MALRD1: variants seen among roughly 807,000 people sequenced by gnomAD.
MALRD1 encodes the protein MAM and LDL receptor class A domain containing 1.
Under a neutral mutation model 242.1 loss-of-function variants are expected in MALRD1, and 247 were observed. The observed-to-expected ratio is 1.02, with a 90% CI of 0.92 to 1.13. The LOEUF is 1.13. Among genes scored for constraint, MALRD1 ranks in the 50% most tolerant of loss-of-function variants. MALRD1 has a pLI of 0.00. For synonymous variants in MALRD1, 995 were observed against 866.6 expected (o/e 1.15, Z -2.60); for missense variants, 2,989 against 2,533.1 (o/e 1.18, Z -3.86).
rs566560909 is a variant in MALRD1 at position 19,555,109 on chromosome 10, AT to A, written c.5479-12391del. On this transcript the variant is annotated intron_variant, in intron 32 of 39. Transcript: ENST00000454679. ...TCTGACTGGCATGAGATGATATCTC[AT>A]TGTGTTTTTGATTTGAATTTCTTTA... is the stretch of plus-strand genomic sequence containing the variant. 2.1e-3 allele frequency among the ~76,000 whole-genome samples: 314 copies of A among 152,212 alleles called. 2 individuals are homozygous for A. Among genetic ancestry groups the A allele is most frequent in the African/African-American group, 6.2e-3 (258 of 41,532 alleles).
At chr10:19,159,358 G>A (rs139285148) in intron 12 of MALRD1, among the ~76,000 whole-genome samples, 91 of 151,552 alleles carry the variant, frequency 6.0e-4, no homozygotes, top group African/African-American at 2.1e-3. Context: ...TATTTATTTT[G>A]TTTTTTTGGC....
chr10:19,187,720 A>T (rs537386306), intron 14 of MALRD1, among the ~76,000 whole-genome samples: 2 of 152,274 alleles, frequency 1.3e-5, no homozygotes, highest in East Asian at 3.9e-4. Flanking sequence ...AACGGAAACC[A>T]AATACCACAT....
intron 5 of MALRD1, among the ~76,000 whole-genome samples, chr10:19,104,283 T>G (rs1358460262): frequency 6.6e-6 from 1 of 152,168 alleles, no homozygotes; most frequent in Non-Finnish European, 1.5e-5. Flanking sequence ...TGTAAAGAAC[T>G]GAATGGGATA....
intron 36 of MALRD1, among the ~76,000 whole-genome samples, chr10:19,622,022 T>A (rs1839426254): frequency 6.6e-6 from 1 of 151,972 alleles, no homozygotes; most frequent in African/African-American, 2.4e-5. Context: ...TTTTTAAGTA[T>A]GGTAAAGTCT....
At position 19,595,421 on chromosome 10, in the gene MALRD1, C is replaced by T; in HGVS notation, c.5908C>T (p.Pro1970Ser). The change falls in exon 34 of 40, where the codon CCC (proline) becomes TCC (serine). Residue 1970 changes from proline to serine, a missense_variant. Physicochemically the swap from Pro to Ser is moderately conservative, Grantham distance 74. Transcript: ENST00000454679. ...TTCCCTCCTGCTATGCGATGGAGTG[C>T]CCGACTGCCACTTTAATGAAGATGA... ...IPSLLLCDGVPDCHFNEDELI... is the reference protein window; with the variant it reads ...IPSLLLCDGVSDCHFNEDELI... The T allele has an allele frequency of 1.9e-6, 3 of 1,550,194 alleles. No homozygotes were observed. The highest frequency in any genetic ancestry group is 2.6e-6 in the Non-Finnish European group (3 of 1,146,758).
At chr10:19,250,786 T>G (rs1184874261) in intron 18 of MALRD1, among the ~76,000 whole-genome samples, 1 of 151,850 alleles carries the variant, frequency 6.6e-6, no homozygotes, top group African/African-American at 2.4e-5. Context: ...GATTCCAAAG[T>G]AAAGATCAGC....
intron 18 of MALRD1, among the ~76,000 whole-genome samples, chr10:19,216,991 G>A (rs964142123): frequency 2.0e-4 from 31 of 151,732 alleles, no homozygotes; most frequent in Non-Finnish European, 3.8e-4. Flanking sequence ...AAAATGATGT[G>A]GAGAGGCCAA....
intron 33 of MALRD1, among the ~76,000 whole-genome samples, chr10:19,573,962 A>G (rs1292712423): frequency 6.6e-6 from 1 of 152,170 alleles, no homozygotes; most frequent in Non-Finnish European, 1.5e-5. Flanking sequence ...ACCTTCGGAG[A>G]GTGAATGCAT....
At chr10:19,347,687 C>T (rs1315561670) in intron 24 of MALRD1, 84 bp from the exon 25 acceptor site, 2 of 1,423,422 alleles carry the variant, frequency 1.4e-6, no homozygotes, top group East Asian at 2.5e-5. Context: ...CATGATACAG[C>T]AAGATCACTG....
At chr10:19,290,673 C>T (rs1391134730) in intron 21 of MALRD1, among the ~76,000 whole-genome samples, 1 of 151,858 alleles carries the variant, frequency 6.6e-6, no homozygotes, top group African/African-American at 2.4e-5. Context: ...GAGTTTGTAC[C>T]CATTCATGCT....
rs1375926703 is a variant in MALRD1, at chr10:19,339,399, ATTT to A, written c.3901+7819_3901+7821del. Among the ~76,000 whole-genome samples the A allele has an allele frequency of 2.6e-5, 4 of 152,236 alleles. No homozygotes were observed. The East Asian group carries it at 7.7e-4, about 29-fold the overall frequency. Reference sequence around the variant, plus strand: ...GTAGTAGCCAATTCACGTTTTCAACATTTTGCCCAAAAAGCTCCTCACACAAAT... The same window carrying A: ...GTAGTAGCCAATTCACGTTTTCAACATGCCCAAAAAGCTCCTCACACAAAT... On this transcript the variant is annotated intron_variant, in intron 24 of 39. Coordinates refer to ENST00000454679, the MANE Select transcript of MALRD1 (RefSeq NM_001142308.3).
intron 1 of MALRD1, among the ~76,000 whole-genome samples, chr10:19,065,957 A>T (rs1834967316): frequency 6.6e-6 from 1 of 152,114 alleles, no homozygotes; most frequent in Non-Finnish European, 1.5e-5. Flanking sequence ...CGAAGATGGA[A>T]GCTGAGTTTT....
chr10:19,172,426 C>A (rs1835052739), intron 13 of MALRD1, among the ~76,000 whole-genome samples: 1 of 151,568 alleles, frequency 6.6e-6, no homozygotes, highest in South Asian at 2.1e-4. Flanking sequence ...TAGAAGAAAG[C>A]AAGCAAAATA....
chr10:19,580,915 C>CT (rs1318026234), intron 33 of MALRD1, among the ~76,000 whole-genome samples: 2 of 152,194 alleles, frequency 1.3e-5, no homozygotes, highest in African/African-American at 4.8e-5. Flanking sequence ...CCAGGACTCT[C>CT]TGAGTCTTTA....
At chr10:19,433,464 C>T (rs965103323) in intron 28 of MALRD1, among the ~76,000 whole-genome samples, 1 of 152,158 alleles carries the variant, frequency 6.6e-6, no homozygotes, top group South Asian at 2.1e-4. Context: ...CCTCTGAGCC[C>T]TTCTAACATG....
At chr10:19,142,548 T>C (rs894852398) in intron 10 of MALRD1, among the ~76,000 whole-genome samples, 1 of 152,208 alleles carries the variant, frequency 6.6e-6, no homozygotes, top group Non-Finnish European at 1.5e-5. Flanking sequence ...CTTAAAATAT[T>C]ACTTTAACTG....
intron 28 of MALRD1, among the ~76,000 whole-genome samples, chr10:19,435,096 G>T (rs1197081421): frequency 6.7e-6 from 1 of 149,756 alleles, no homozygotes; most frequent in Admixed American, 6.7e-5. Context: ...CATTACATGT[G>T]GGAATTATAC....
At chr10:19,599,489 T>C (rs1345412385) in intron 34 of MALRD1, among the ~76,000 whole-genome samples, 1 of 152,130 alleles carries the variant, frequency 6.6e-6, no homozygotes, top group Admixed American at 6.6e-5. Flanking sequence ...TAGTTAATTA[T>C]ATGGAAGAAC....
At chr10:19,139,517 CA>C (rs1302987841) in intron 10 of MALRD1, among the ~76,000 whole-genome samples, 4 of 152,058 alleles carry the variant, frequency 2.6e-5, no homozygotes, top group African/African-American at 9.7e-5. Context: ...GAATACTTAC[CA>C]AATTCTGGAG....
Sources: allele counts gnomAD v4.1 joint callset (sites outside exome capture counted in the v4.1 genomes callset), GRCh38; gene constraint gnomAD v4.1.1; transcripts MANE v1.5; gene names NCBI Gene and HGNC (gene_info 2026-07-23, HGNC 2026-07-21).